Variants in SLC4A4 observed in about 807,000 individuals in gnomAD.
SLC4A4 encodes solute carrier family 4 member 4.
Under a neutral mutation model 111.5 loss-of-function variants are expected in SLC4A4, and 27 were observed. The observed-to-expected ratio is 0.24, with a 90% confidence interval of 0.18 to 0.33. The LOEUF is 0.33. Among genes scored for constraint, SLC4A4 ranks in the 10% least tolerant of loss-of-function variants. The probability of loss-of-function intolerance (pLI) is 1.00; values close to 1 mark genes in which losing one functional copy is unlikely to be tolerated. For missense variants in SLC4A4, 909 were observed against 1,315.5 expected, an observed-to-expected ratio of 0.69 and a Z score of 4.78; for synonymous variants, 443 against 463.4, an observed-to-expected ratio of 0.96 and a Z score of 0.57.
At chr4:71,245,675 A>G (rs1173831925) in intron 2 of SLC4A4, among the ~76,000 whole-genome samples, 1 of 152,102 alleles carries the variant, frequency 6.6e-6, no homozygotes, top group Non-Finnish European at 1.5e-5. Context: ...GTAGTTGACT[A>G]TACAAGCAGG....
chr4:71,281,839 A>G (rs1033693007), intron 3 of SLC4A4, among the ~76,000 whole-genome samples: 4 of 152,182 alleles, frequency 2.6e-5, no homozygotes, highest in African/African-American at 9.7e-5. Context: ...AGTATTGCCA[A>G]TGAAATGTGA....
At chr4:71,541,649 G>A (rs1459404865) in intron 18 of SLC4A4, among the ~76,000 whole-genome samples, 1 of 151,908 alleles carries the variant, frequency 6.6e-6, no homozygotes, top group East Asian at 2.0e-4. Flanking sequence ...TATCCAGCTT[G>A]GGCTTGATGG....
At position 71,401,005 on chromosome 4, in the gene SLC4A4, AC is replaced by A. The variant is rs150323470; in HGVS notation, c.807+3354del. On this transcript the variant is annotated intron_variant, in intron 7 of 25. Coordinates refer to ENST00000264485, the MANE Select transcript of SLC4A4 (RefSeq NM_001098484.3). ...AGTTGGCCCCAAAAACTTCCATTTG[AC>A]CAGGACTGAAATTTCTGATTGACTG... Among the ~76,000 whole-genome samples the A allele has an allele frequency of 9.6e-3, 1,462 of 152,282 alleles. 26 individuals carry two copies. Among genetic ancestry groups the A allele is most frequent in the African/African-American group, 0.034 (1,406 of 41,560 alleles).
At chr4:71,186,033 A>G (rs1361444539), upstream of SLC4A4, among the ~76,000 whole-genome samples, 1 of 152,214 alleles carries the variant, frequency 6.6e-6, no homozygotes, top group African/African-American at 2.4e-5. Context: ...TACCCAGAAC[A>G]ATAGATGGTG....
intron 6 of SLC4A4, among the ~76,000 whole-genome samples, chr4:71,362,851 T>A (rs572567773): frequency 6.6e-6 from 1 of 152,218 alleles, no homozygotes; most frequent in Admixed American, 6.5e-5. Flanking sequence ...CTAGGCTTCT[T>A]GCTGCTTTCC....
intron 3 of SLC4A4, chr4:71,338,943 G>C: frequency 1.4e-6 from 1 of 718,394 alleles, no homozygotes; most frequent in Admixed American, 3.4e-5. Context: ...GCGGGGACTT[G>C]GGGGATCTCA....
Position 71,386,589 on chromosome 4 carries a change from C to T in SLC4A4, c.731-10988C>T, listed in dbSNP as rs73828128. The stretch of plus-strand genomic sequence containing the variant: ...CAGTTTTATTGAGGTTTTTTCTTTT[C>T]TTTTTTTTGGCTGTATGTATAATCT... On this transcript the variant is annotated intron_variant, in intron 6 of 25. Coordinates refer to ENST00000264485, the MANE Select transcript of SLC4A4 (RefSeq NM_001098484.3). Among the ~76,000 whole-genome samples, 1,158 of 151,358 alleles carry T rather than the reference C, an allele frequency of 7.7e-3. 14 individuals carry two copies. The highest frequency in any genetic ancestry group is 0.025 in the African/African-American group (1,015 of 41,258).
At chr4:71,215,764 G>C (rs1225625042) in intron 1 of SLC4A4, among the ~76,000 whole-genome samples, 2 of 152,044 alleles carry the variant, frequency 1.3e-5, no homozygotes, top group Non-Finnish European at 2.9e-5. Context: ...CGTCCCAAAG[G>C]GGCTAGCAAA....
rs566879856 is a variant in SLC4A4 at position 71,498,071 on chromosome 4, T to G, written c.2166+379T>G. Reference sequence around the variant, plus strand: ...ATCAGGAATTTCCATGGTGTAGAATTTCTTCAGCAGCTGTACATTTGAGTA... The same window carrying G: ...ATCAGGAATTTCCATGGTGTAGAATGTCTTCAGCAGCTGTACATTTGAGTA... On this transcript the variant is annotated intron_variant, in intron 16 of 25. Transcript: ENST00000264485. 1.7e-3 allele frequency among the ~76,000 whole-genome samples: 264 copies of G among 152,304 alleles called. 2 individuals are homozygous for G. The highest frequency in any genetic ancestry group is 3.2e-3 in the Non-Finnish European group (218 of 68,014).
chr4:71,128,242 G>T (rs1350259685), intron 2 of SLC4A4, among the ~76,000 whole-genome samples: 1 of 152,144 alleles, frequency 6.6e-6, no homozygotes, highest in African/African-American at 2.4e-5. Flanking sequence ...ACGGCAGCAG[G>T]CATAGAGAGT....
chr4:71,425,527 T>A (rs754606311), intron 7 of SLC4A4, among the ~76,000 whole-genome samples: 3 of 152,152 alleles, frequency 2.0e-5, no homozygotes, highest in Non-Finnish European at 2.9e-5. Flanking sequence ...TTGCCAAGAT[T>A]GAGGACATGC....
intron 3 of SLC4A4, among the ~76,000 whole-genome samples, chr4:71,312,486 C>T (rs1726284509): frequency 6.6e-6 from 1 of 152,152 alleles, no homozygotes; most frequent in Admixed American, 6.5e-5. Flanking sequence ...AAATTTCAGG[C>T]CAATATCCCT....
intron 6 of SLC4A4, among the ~76,000 whole-genome samples, chr4:71,372,632 C>T (rs1056769871): frequency 6.6e-6 from 1 of 152,188 alleles, no homozygotes; most frequent in Non-Finnish European, 1.5e-5. Flanking sequence ...GTCTGAACTT[C>T]AAAGAAGAAA....
At chr4:71,135,627 T>C (rs1463614235) in intron 2 of SLC4A4, among the ~76,000 whole-genome samples, 1 of 152,172 alleles carries the variant, frequency 6.6e-6, no homozygotes, top group South Asian at 2.1e-4. Context: ...TTTTCAAGAA[T>C]ACAATACATT....
intron 2 of SLC4A4, among the ~76,000 whole-genome samples, chr4:71,153,655 A>C (rs1374019271): frequency 6.6e-6 from 1 of 152,136 alleles, no homozygotes; most frequent in Admixed American, 6.5e-5. Context: ...CATAGTAGGC[A>C]CTCAATATGT....
At position 71,384,488 on chromosome 4, in the gene SLC4A4, G is replaced by T. The variant is rs574302760; in HGVS notation, c.731-13089G>T. On this transcript the variant is annotated intron_variant, in intron 6 of 25. Coordinates refer to ENST00000264485, the MANE Select transcript of SLC4A4 (RefSeq NM_001098484.3). ...AGACCTGAGGAGTTTACTGCATGAG[G>T]AAGCCAATTGAATGGCCTTTTCCCA... Among the ~76,000 whole-genome samples, 7 of 152,048 alleles carry T rather than the reference G, an allele frequency of 4.6e-5. No individual in the cohort carries two copies. The South Asian group carries it at 1.5e-3, about 32-fold the overall frequency.
At chr4:71,438,253 G>T (rs903528900) in intron 7 of SLC4A4, among the ~76,000 whole-genome samples, 1 of 152,138 alleles carries the variant, frequency 6.6e-6, no homozygotes, top group African/African-American at 2.4e-5. Context: ...AATTATTTTT[G>T]TCATGGTGCT....
chr4:71,560,036 T>G, intron 22 of SLC4A4, 57 bp from the exon 23 acceptor site: 2 of 1,361,054 alleles, frequency 1.5e-6, no homozygotes, highest in Admixed American at 3.4e-5. Flanking sequence ...GTATCTATGC[T>G]TGCTGTGACT....
At chr4:71,480,679 G>A (rs1433405226) in intron 14 of SLC4A4, among the ~76,000 whole-genome samples, 1 of 151,652 alleles carries the variant, frequency 6.6e-6, no homozygotes, top group Admixed American at 6.6e-5. Context: ...GCCTTAAGAT[G>A]TTTCTTAAAT....
Sources: gnomAD v4.1 joint callset for allele counts (sites outside exome capture counted in the v4.1 genomes callset) on GRCh38, gnomAD v4.1.1 for gene constraint, MANE v1.5 for transcripts, NCBI Gene and HGNC (gene_info 2026-07-23, HGNC 2026-07-21) for gene names.